The following PCDH9 variants were observed in gnomAD, a reference collection of about 807,000 sequenced individuals.
PCDH9 encodes the protein protocadherin 9.
Under a neutral mutation model 70.6 loss-of-function variants are expected in PCDH9, and 24 were observed. The ratio of observed to expected loss-of-function variants is 0.34; its 90% CI spans 0.25 to 0.48. PCDH9 has a LOEUF of 0.48. Among genes scored for constraint, PCDH9 ranks in the 20% least tolerant of loss-of-function variants. The pLI is 0.99. For synonymous variants in PCDH9, 562 were observed against 558.5 expected, an observed-to-expected ratio of 1.01 and a Z score of -0.09; for missense variants, 1,281 against 1,503.6, an observed-to-expected ratio of 0.85 and a Z score of 2.45.
At chr13:66,494,560 ACT>A (rs1034927812) in intron 4 of PCDH9, among the ~76,000 whole-genome samples, 1 of 151,456 alleles carries the variant, frequency 6.6e-6, no homozygotes, top group Non-Finnish European at 1.5e-5. Flanking sequence ...TGTGCTTGTG[ACT>A]CTCTCTCTCT....
intron 2 of PCDH9, chr13:67,217,003 C>T (rs1172230136): frequency 1.3e-5 from 2 of 152,062 alleles, no homozygotes; most frequent in South Asian, 2.1e-4. Flanking sequence ...CTCCATTTGT[C>T]ATTTGCACCT....
rs181863520 is a variant in PCDH9, at chr13:66,603,681, C to T, written c.3340+27529G>A. On this transcript the variant is annotated intron_variant, in intron 4 of 4. Transcript: ENST00000377865. ...TGGAGATATGACACTTATTCAAAAG[C>T]GTAAGAATTTTTTTTAAAGTATGGC... is the stretch of plus-strand genomic sequence containing the variant. 6.6e-5 allele frequency among the ~76,000 whole-genome samples: 10 copies of T among 151,958 alleles called. No homozygotes were observed. In the East Asian group the frequency reaches 1.7e-3, roughly 26 times the overall value.
At chr13:66,525,546 CA>C (rs1407727936) in intron 4 of PCDH9, among the ~76,000 whole-genome samples, 1 of 151,962 alleles carries the variant, frequency 6.6e-6, no homozygotes, top group East Asian at 1.9e-4. Context: ...AAGCAAAAAT[CA>C]AAACAAAACA....
intron 4 of PCDH9, among the ~76,000 whole-genome samples, chr13:66,526,217 A>T (rs1015925694): frequency 6.6e-6 from 1 of 152,146 alleles, no homozygotes; most frequent in Non-Finnish European, 1.5e-5. Context: ...GAGAAGAAAT[A>T]ATGCTATTTA....
intron 2 of PCDH9, among the ~76,000 whole-genome samples, chr13:67,070,592 G>A (rs2085742047): frequency 6.6e-6 from 1 of 152,032 alleles, no homozygotes; most frequent in Admixed American, 6.6e-5. Context: ...ATTTTATGTT[G>A]AGCCTTTCCT....
chr13:66,474,294 T>A (rs1958677157), intron 4 of PCDH9, among the ~76,000 whole-genome samples: 1 of 152,148 alleles, frequency 6.6e-6, no homozygotes, highest in Admixed American at 6.6e-5. Context: ...CTCTTATTTC[T>A]CTGGGTTTAT....
chr13:66,380,500 T>C (rs1378645109), intron 4 of PCDH9, among the ~76,000 whole-genome samples: 1 of 147,118 alleles, frequency 6.8e-6, no homozygotes, highest in Non-Finnish European at 1.5e-5. Flanking sequence ...TTACACATAA[T>C]GCCGGAAGAA....
At chr13:66,981,805 T>C (rs1010393776) in intron 2 of PCDH9, among the ~76,000 whole-genome samples, 10 of 152,124 alleles carry the variant, frequency 6.6e-5, no homozygotes, top group Admixed American at 6.5e-4. Context: ...TAAAATATTA[T>C]TAAATACTGA....
At chr13:66,977,071 T>C (rs1182354387) in intron 2 of PCDH9, among the ~76,000 whole-genome samples, 1 of 152,128 alleles carries the variant, frequency 6.6e-6, no homozygotes, top group Admixed American at 6.6e-5. Flanking sequence ...AGACCTTTAA[T>C]AGGTTTGGGT....
intron 4 of PCDH9, among the ~76,000 whole-genome samples, chr13:66,493,567 A>G (rs1249416556): frequency 6.6e-6 from 1 of 152,164 alleles, no homozygotes; most frequent in African/African-American, 2.4e-5. Flanking sequence ...ATTGGTCAAC[A>G]AAAAGCAGAA....
At chr13:67,158,642 C>A (rs989122841) in intron 2 of PCDH9, among the ~76,000 whole-genome samples, 6 of 152,192 alleles carry the variant, frequency 3.9e-5, no homozygotes, top group African/African-American at 1.4e-4. Flanking sequence ...CTGCCAGCAT[C>A]TTCATCTTGG....
At chr13:66,778,803 C>T (rs944356728) in intron 3 of PCDH9, among the ~76,000 whole-genome samples, 3 of 152,178 alleles carry the variant, frequency 2.0e-5, no homozygotes. Flanking sequence ...CAAACTCAAG[C>T]CTATCAGATT....
At chr13:66,464,044 C>T (rs1451460734) in intron 4 of PCDH9, among the ~76,000 whole-genome samples, 3 of 151,698 alleles carry the variant, frequency 2.0e-5, no homozygotes, top group African/African-American at 7.3e-5. Flanking sequence ...TACACTAGGA[C>T]CACCAAAGTG....
At chr13:66,444,283 T>C (rs1193095068) in intron 4 of PCDH9, among the ~76,000 whole-genome samples, 1 of 152,184 alleles carries the variant, frequency 6.6e-6, no homozygotes, top group Non-Finnish European at 1.5e-5. Context: ...TGTTGGCCAG[T>C]AATGGTTTCC....
intron 4 of PCDH9, among the ~76,000 whole-genome samples, chr13:66,432,072 A>G (rs527519210): frequency 6.6e-6 from 1 of 152,122 alleles, no homozygotes; most frequent in East Asian, 1.9e-4. Context: ...TCTTCTGTGC[A>G]GTTTCCTTTA....
In PCDH9 at chr13:66,846,785, C is replaced by T. The variant is rs182251352; in HGVS notation, c.3138+56719G>A. Among the ~76,000 whole-genome samples the T allele has an allele frequency of 2.0e-5, 3 of 151,820 alleles. No individual in the cohort carries two copies. The East Asian group carries it at 5.8e-4, about 29-fold the overall frequency. ...AATTTTTAAAGTATATTTTCTTTTC[C>T]TTGATTTTCTATGCAAAGGCTGTAA... On this transcript the variant is annotated intron_variant, in intron 3 of 4. Coordinates refer to ENST00000377865, the MANE Select transcript of PCDH9 (RefSeq NM_203487.3).
At chr13:66,923,641 T>G (rs2082672882) in intron 2 of PCDH9, among the ~76,000 whole-genome samples, 1 of 151,686 alleles carries the variant, frequency 6.6e-6, no homozygotes, top group South Asian at 2.1e-4. Flanking sequence ...CGTCTTAATT[T>G]TAATAGATAA....
At chr13:66,656,987 G>A (rs1341823867) in intron 3 of PCDH9, among the ~76,000 whole-genome samples, 2 of 152,290 alleles carry the variant, frequency 1.3e-5, no homozygotes, top group Non-Finnish European at 1.5e-5. Context: ...GCAAGTCAGA[G>A]CAAGAGGAAC....
rs535802639 is a variant in PCDH9, at chr13:66,641,425, C to T, written c.3139-10014G>A. On this transcript the variant is annotated intron_variant, in intron 3 of 4. Transcript: ENST00000377865. ...TGTATGGAGAAAGTGCATGGTCATG[C>T]ATAGTCTACAAAATGTAGGTAAAGA... is the stretch of plus-strand genomic sequence containing the variant. 3.2e-4 allele frequency among the ~76,000 whole-genome samples: 49 copies of T among 152,258 alleles called. No homozygotes were observed. In the South Asian group the frequency reaches 1.0e-2, roughly 31 times the overall value.
Sources: allele counts gnomAD v4.1 joint callset (sites outside exome capture counted in the v4.1 genomes callset), GRCh38; gene constraint gnomAD v4.1.1; transcripts MANE v1.5; gene names NCBI Gene and HGNC (gene_info 2026-07-23, HGNC 2026-07-21).